Variants in APEH observed in about 807,000 individuals in gnomAD.
The protein encoded by APEH is acylaminoacyl-peptide hydrolase, also known as acylamino-acid-releasing enzyme.
A neutral mutation model predicts 102.7 loss-of-function variants in APEH; 75 were observed. The ratio of observed to expected loss-of-function variants is 0.73; its 90% CI spans 0.61 to 0.89. The LOEUF is 0.89. APEH is among the 40% of genes least tolerant of loss of function. The pLI, the probability that APEH is intolerant of heterozygous loss-of-function variation, is 0.00. For synonymous variants in APEH, 344 were observed against 362.7 expected, an observed-to-expected ratio of 0.95 and a Z score of 0.59; for missense variants, 863 against 941.2, an observed-to-expected ratio of 0.92 and a Z score of 1.09.
rs1355162503 is a variant in APEH at position 49,677,628 on chromosome 3, T to G, written c.1055T>G (p.Leu352Arg). The part of the protein sequence containing the change: ...SVVVDVVPRQ[L>R]GENFSGIYCS... ...GTGGTAGATGTTGTGCCTCGGCAGC[T>G]GGGAGGTAAGGCATACCTGGCTGGG... is the stretch of plus-strand genomic sequence containing the variant. Residue 352 changes from leucine to arginine, a missense_variant, in exon 11 of 22, where the codon CTG becomes CGG. By Grantham distance (102) the Leu-to-Arg change is moderately radical (BLOSUM62 -2). Transcript: ENST00000296456. 1.2e-6 allele frequency: 2 copies of G among 1,613,636 alleles called. No homozygotes were observed.
chr3:49,682,508 G>C, intron 18 of APEH, 38 bp from the exon 19 acceptor site: 1 of 1,613,104 alleles, frequency 6.2e-7, no homozygotes, highest in Non-Finnish European at 8.5e-7. Flanking sequence ...TCAGCTGAGC[G>C]GGCAGCTGGC....
At position 49,682,689 on chromosome 3, in the gene APEH, C is replaced by G. The variant is rs747319651; in HGVS notation, c.1836C>G (p.Pro612=). 2 of 1,613,990 alleles carry G rather than the reference C, an allele frequency of 1.2e-6. No homozygotes were observed. Among genetic ancestry groups the G allele is most frequent in the South Asian group, 2.2e-5 (2 of 91,080 alleles). The change falls in exon 19 of 22, where the codon CCC becomes CCG. Residue 612 remains proline (P), a synonymous_variant. Transcript: ENST00000296456. The part of the protein sequence containing the change: ...ETYRACVARN[P]VINIASMLGS... ...ACAGGGCCTGCGTGGCCCGGAACCC[C>G]GTGATCAACATCGCCTCCATGTTGG...
rs745433511 is a variant in APEH at position 49,676,332 on chromosome 3, G to A, written c.607-46G>A. On this transcript the variant is annotated intron_variant, in intron 6 of 21. Coordinates refer to ENST00000296456, the MANE Select transcript of APEH (RefSeq NM_001640.4). The stretch of plus-strand genomic sequence containing the variant: ...GAGGCACTAGCTTTTAGGAAGCAGA[G>A]CAGGTCCTATAGACAGGCTGGGCAT... 1.9e-6 allele frequency: 3 copies of A among 1,613,620 alleles called. No homozygotes were observed. The South Asian group carries it at 3.3e-5, about 18-fold the overall frequency.
intron 11 of APEH, among the ~76,000 whole-genome samples, 193 bp from the exon 12 acceptor site, chr3:49,678,659 C>T (rs1321668011): frequency 6.6e-6 from 1 of 152,146 alleles, no homozygotes; most frequent in Non-Finnish European, 1.5e-5. Flanking sequence ...TCCCAAGAGG[C>T]CTCTGCCCCT....
chr3:49,675,595 G>T, intron 3 of APEH, 99 bp from the exon 4 acceptor site: 1 of 1,257,248 alleles, frequency 8.0e-7, no homozygotes, highest in Non-Finnish European at 1.2e-6. Context: ...CTGGTGTGGG[G>T]CCAGAGCCTC....
chr3:49,675,608 G>T, intron 3 of APEH, 86 bp from the exon 4 acceptor site: 1 of 1,351,044 alleles, frequency 7.4e-7, no homozygotes, highest in African/African-American at 1.4e-5. Flanking sequence ...AGAGCCTCAA[G>T]AATCTCTCCT....
intron 17 of APEH, 27 bp from the exon 18 acceptor site, chr3:49,682,321 C>T (rs757260246): frequency 1.9e-6 from 3 of 1,589,922 alleles, no homozygotes; most frequent in Non-Finnish European, 2.6e-6. Context: ...TGCCTGACTA[C>T]ACTGTCTGGT....
chr3:49,674,306 G>A, upstream of APEH: 1 of 1,453,440 alleles, frequency 6.9e-7, no homozygotes. Context: ...CAGGGCAGGG[G>A]CGGAGACAGC....
intron 2 of APEH, 29 bp downstream of exon 2, chr3:49,674,650 G>T (rs1171327034): frequency 1.2e-5 from 19 of 1,582,896 alleles, no homozygotes; most frequent in South Asian, 2.3e-5. Flanking sequence ...ACTGGCTGGC[G>T]ACGGGGTCGC....
At position 49,675,747 on chromosome 3, in the gene APEH, C is replaced by G. The variant is rs1336227458; in HGVS notation, c.326C>G (p.Ala109Gly). ...SGTMKAVLRK[A>G]GGTGPGEEKQ... ...ACCATGAAAGCTGTGCTGCGCAAGG[C>G]TGGAGGCACGGGCCCTGGGGAAGAG... is the stretch of plus-strand genomic sequence containing the variant. The change falls in exon 4 of 22, where the codon GCT becomes GGT. Residue 109 changes from alanine to glycine, a missense_variant. Transcript: ENST00000296456. The G allele has an allele frequency of 6.2e-7, 1 of 1,613,982 alleles. No homozygotes were observed. Among genetic ancestry groups the G allele is most frequent in the Non-Finnish European group, 8.5e-7 (1 of 1,180,016 alleles).
Position 49,679,086 on chromosome 3 carries a change from C to T in APEH, c.1158+137C>T. The stretch of plus-strand genomic sequence containing the variant: ...GCCCCTTAAAACCCTGCCTGCCCAT[C>T]CTGGACTCATTTCTCCTGGAGGGGA... On this transcript the variant is annotated intron_variant, in intron 12 of 21. Transcript: ENST00000296456. The surrounding 1 kb of genome is among the most constrained non-coding windows in gnomAD (Gnocchi z 4.3). The T allele has an allele frequency of 2.2e-5, 15 of 686,840 alleles. No individual in the cohort carries two copies. The highest frequency in any genetic ancestry group is 3.6e-5 in the Non-Finnish European group (15 of 410,968). 42.5% of individuals were successfully genotyped at this position (686,840 alleles called of 1,614,324 possible).
Position 49,681,955 on chromosome 3 carries a change from G to T in APEH, c.1591G>T (p.Ala531Ser). The T allele has an allele frequency of 4.3e-6, 7 of 1,614,012 alleles. No homozygotes were observed. The highest frequency in any genetic ancestry group is 5.1e-6 in the Non-Finnish European group (6 of 1,179,874). ...FPAMLCKMGF[A>S]VLLVNYRGST... is the part of the protein sequence containing the mutation. The stretch of plus-strand genomic sequence containing the variant: ...AGCCATGCTTTGCAAGATGGGCTTT[G>T]CGGTACTACTAGGTGAGTGAGCAGG... Residue 531 changes from alanine (A) to serine (S), a missense_variant, in exon 17 of 22, where the codon GCG becomes TCG. Coordinates refer to ENST00000296456, the MANE Select transcript of APEH (RefSeq NM_001640.4).
Position 49,682,746 on chromosome 3 carries a change from CA to C in APEH, c.1883+11del. ...CTGACATCCCTGACTGGTAGGCATA[CA>C]CCACAGGTCCCTGCCCTTCCCTCCT... is the stretch of plus-strand genomic sequence containing the variant. On this transcript the variant is annotated intron_variant, in intron 19 of 21. Coordinates refer to ENST00000296456, the MANE Select transcript of APEH (RefSeq NM_001640.4). 2 of 1,613,606 alleles carry C rather than the reference CA, an allele frequency of 1.2e-6. No individual in the cohort carries two copies. The highest frequency in any genetic ancestry group is 1.7e-6 in the Non-Finnish European group (2 of 1,179,764).
Position 49,679,523 on chromosome 3 carries a change from G to A in APEH, c.1159-70G>A. 1.3e-6 allele frequency: 2 copies of A among 1,528,964 alleles called. No individual in the cohort carries two copies. The highest frequency in any genetic ancestry group is 1.7e-5 in the Admixed American group (1 of 59,570). 94.7% of individuals were successfully genotyped at this position (1,528,964 alleles called of 1,614,324 possible). On this transcript the variant is annotated intron_variant, in intron 12 of 21. Transcript: ENST00000296456. The surrounding 1 kb of genome is among the most constrained non-coding windows in gnomAD (Gnocchi z 4.3). ...TCTCCAAGAGGGTAGAGAGGAGGTAGGGGAGGGACCCATAGGTAGAGGGAG... is the reference window on the plus strand; with the variant it reads ...TCTCCAAGAGGGTAGAGAGGAGGTAAGGGAGGGACCCATAGGTAGAGGGAG...
chr3:49,678,799 T>C, intron 11 of APEH, 53 bp from the exon 12 acceptor site: 2 of 1,454,226 alleles, frequency 1.4e-6, no homozygotes, highest in Admixed American at 1.7e-5. Context: ...CCTTGTAGAC[T>C]ACCCTCCCTA....
chr3:49,675,800 G>C lies in APEH; in HGVS notation c.366+13G>C. The C allele has an allele frequency of 6.2e-7, 1 of 1,613,578 alleles. No homozygotes were observed. The highest frequency in any genetic ancestry group is 8.5e-7 in the Non-Finnish European group (1 of 1,179,496). On this transcript the variant is annotated intron_variant, in intron 4 of 21. Transcript: ENST00000296456. The stretch of plus-strand genomic sequence containing the variant: ...GCAGTTCCTGGAGGTGAGTCTGCAT[G>C]GGACCAGGTAGTGGGTGACAAGAGA...
rs936640958 is a variant in APEH at position 49,683,448 on chromosome 3, C to T, written c.*106C>T. ...GAGGCTTTCTGGGCTCTGGACTCCA[C>T]GGATGCGTGGGCAGAGGAATGTGGG... is the stretch of plus-strand genomic sequence containing the variant. On this transcript the variant is annotated 3_prime_UTR_variant, in exon 22 of 22. Coordinates refer to ENST00000296456, the MANE Select transcript of APEH (RefSeq NM_001640.4). 5.2e-5 allele frequency: 49 copies of T among 938,738 alleles called. No individual in the cohort carries two copies. Among genetic ancestry groups the T allele is most frequent in the African/African-American group, 2.8e-4 (17 of 61,614 alleles). 58.2% of individuals were successfully genotyped at this position (938,738 alleles called of 1,614,324 possible).
rs775301060 is a variant in APEH at position 49,682,897 on chromosome 3, C to T, written c.1938C>T (p.Ser646=). 2.5e-5 allele frequency: 40 copies of T among 1,613,950 alleles called. No individual in the cohort carries two copies. The South Asian group carries it at 3.3e-4, about 13-fold the overall frequency. ...PFSSDCLPDL[S]VWAEMLDKSP... is the part of the protein sequence containing the mutation. ...GCAGTGACTGCCTGCCAGACCTCAG[C>T]GTGTGGGCTGAGATGCTGGACAAAT... The change falls in exon 20 of 22, where the codon AGC becomes AGT. Residue 646 remains serine, a synonymous_variant. Coordinates refer to ENST00000296456, the MANE Select transcript of APEH (RefSeq NM_001640.4).
chr3:49,679,003 C>CT lies in APEH; in HGVS notation c.1158+54_1158+55insT. 1.5e-5 allele frequency: 22 copies of CT among 1,449,420 alleles called. No homozygotes were observed. The highest frequency in any genetic ancestry group is 3.4e-5 in the South Asian group (3 of 87,498). The allele number at this position is 1,449,420 out of a possible 1,614,324, so 89.8% of individuals were successfully genotyped here. A position where few individuals can be genotyped will look rare whatever the true frequency, so the allele number is the denominator to read the frequency against. On this transcript the variant is annotated intron_variant, in intron 12 of 21. Coordinates refer to ENST00000296456, the MANE Select transcript of APEH (RefSeq NM_001640.4). This position sits in a 1 kb window ranked among gnomAD's most constrained non-coding sequence, Gnocchi z 4.3. The stretch of plus-strand genomic sequence containing the variant: ...AGCCCCTGTGGTCAACCCCCAGGAG[C>CT]CCTGGGGGTTGCATGTGCATGCCCC...
Sources: allele counts gnomAD v4.1 joint callset (sites outside exome capture counted in the v4.1 genomes callset), GRCh38; gene constraint gnomAD v4.1.1; non-coding constraint Gnocchi (gnomAD v3.1); transcripts MANE v1.5; gene names NCBI Gene and HGNC (gene_info 2026-07-23, HGNC 2026-07-21).